KIAA2012: variants seen among roughly 807,000 people sequenced by gnomAD.
KIAA2012 encodes the protein KIAA2012.
Under a neutral mutation model 150.6 loss-of-function variants are expected in KIAA2012, and 125 were observed. That is an observed-to-expected ratio of 0.83 (90% confidence interval 0.72 to 0.96). KIAA2012 has a LOEUF of 0.96. Ranked by LOEUF, KIAA2012 falls within the 40% of genes least tolerant of loss-of-function variation. The pLI is 0.00. For synonymous variants in KIAA2012, 462 were observed against 504.7 expected (o/e 0.92, Z 1.13); for missense variants, 1,219 against 1,354.9 (o/e 0.90, Z 1.57).
rs568023345 is a variant in KIAA2012, at chr2:202,160,564, T to C, written c.2047-4720T>C. On this transcript the variant is annotated intron_variant, in intron 14 of 23. Transcript: ENST00000498697. ...TCCTGACCTCGTGATCCGCCCACCT[T>C]GGCCTCCCAAAGTGCTGGGATTACA... Among the ~76,000 whole-genome samples the C allele has an allele frequency of 6.6e-5, 10 of 152,142 alleles. No individual in the cohort carries two copies. In the East Asian group the frequency reaches 1.7e-3, roughly 27 times the overall value.
chr2:202,185,631 T>A (rs1692212839), intron 16 of KIAA2012, among the ~76,000 whole-genome samples: 1 of 152,098 alleles, frequency 6.6e-6, no homozygotes, highest in African/African-American at 2.4e-5. Flanking sequence ...AACACAAAAA[T>A]TTTTTTAAAT....
rs71025287 is a variant in KIAA2012, at chr2:202,199,920, A to ATTTTTTTTT, written c.3408-2488_3408-2480dup. ...TGCATCTTCCTCCTTGCCCCTCATAATTTTTTTTTTTTTTTTTTTTTTTTT... is the reference window on the plus strand; with the variant it reads ...TGCATCTTCCTCCTTGCCCCTCATAATTTTTTTTTTTTTTTTTTTTTTTTTTTTTTTTTT... On this transcript the variant is annotated intron_variant, in intron 22 of 23. Coordinates refer to ENST00000498697, the MANE Select transcript of KIAA2012 (RefSeq NM_001277372.4). Among the ~76,000 whole-genome samples, 13 of 76,270 alleles carry ATTTTTTTTT rather than the reference A, an allele frequency of 1.7e-4. 1 individual carries two copies. Among genetic ancestry groups the ATTTTTTTTT allele is most frequent in the African/African-American group, 4.3e-4 (8 of 18,478 alleles). 50.0% of individuals were successfully genotyped at this position (76,270 alleles called of 152,430 possible).
intron 13 of KIAA2012, among the ~76,000 whole-genome samples, chr2:202,138,833 G>A (rs1268971781): frequency 2.0e-5 from 3 of 152,160 alleles, no homozygotes; most frequent in African/African-American, 4.8e-5. Flanking sequence ...GTTTTCATTC[G>A]TAAAATTAGT....
chr2:202,130,938 A>T (rs1279161103), intron 12 of KIAA2012, among the ~76,000 whole-genome samples: 1 of 152,098 alleles, frequency 6.6e-6, no homozygotes, highest in East Asian at 1.9e-4. Flanking sequence ...ATAAATAAAT[A>T]AAATAAAAAA....
intron 2 of KIAA2012, among the ~76,000 whole-genome samples, chr2:202,080,587 T>A (rs183702936): frequency 3.3e-4 from 50 of 151,122 alleles, no homozygotes; most frequent in African/African-American, 1.2e-3. Context: ...TCCCTGCTAC[T>A]CGGGAGGCTA....
chr2:202,182,277 AATTTT>A (rs1304144088), intron 15 of KIAA2012, among the ~76,000 whole-genome samples: 1 of 151,516 alleles, frequency 6.6e-6, no homozygotes, highest in East Asian at 1.9e-4. Context: ...ACGCCCAGCT[AATTTT>A]GTATTTTTAC....
intron 13 of KIAA2012, among the ~76,000 whole-genome samples, chr2:202,153,497 A>G (rs1574294734): frequency 1.3e-5 from 2 of 152,228 alleles, no homozygotes; most frequent in East Asian, 3.9e-4. Flanking sequence ...CACTTCATGC[A>G]GATAGACCTT....
intron 4 of KIAA2012, among the ~76,000 whole-genome samples, chr2:202,094,092 G>A (rs1689801963): frequency 6.6e-6 from 1 of 152,158 alleles, no homozygotes; most frequent in Non-Finnish European, 1.5e-5. Flanking sequence ...GACCAGCCTG[G>A]GCAACATAGT....
chr2:202,166,373 C>A (rs1463196734), intron 15 of KIAA2012, among the ~76,000 whole-genome samples: 5 of 152,124 alleles, frequency 3.3e-5, no homozygotes, highest in African/African-American at 1.2e-4. Flanking sequence ...CAATTTTCAG[C>A]CAGACACAGT....
At chr2:202,099,879 C>T in intron 6 of KIAA2012, 83 bp downstream of exon 6, 4 of 1,194,546 alleles carry the variant, frequency 3.3e-6, no homozygotes, top group Non-Finnish European at 4.6e-6. Flanking sequence ...GCATGCCAAA[C>T]ATCACTTCCT....
chr2:202,103,631 A>G (rs1690108407), intron 8 of KIAA2012, among the ~76,000 whole-genome samples: 1 of 152,240 alleles, frequency 6.6e-6, no homozygotes, highest in Admixed American at 6.5e-5. Flanking sequence ...TCCATTTTAT[A>G]AAAGAAAGAT....
chr2:202,173,699 C>T (rs1559228430), intron 15 of KIAA2012, among the ~76,000 whole-genome samples: 3 of 152,156 alleles, frequency 2.0e-5, no homozygotes, highest in Admixed American at 1.3e-4. Context: ...ACAATACACA[C>T]AACTGAATTT....
Position 202,190,254 on chromosome 2 carries a change from A to T in KIAA2012, c.2572A>T (p.Asn858Tyr). 6.5e-7 allele frequency: 1 copy of T among 1,549,932 alleles called. No individual in the cohort carries two copies. The highest frequency in any genetic ancestry group is 2.0e-5 in the Admixed American group (1 of 50,842). Residue 858 changes from asparagine (N) to tyrosine (Y), a missense_variant, in exon 19 of 24, where the codon AAT (asparagine) becomes TAT (tyrosine). By Grantham distance (143) the Asn-to-Tyr change is moderately radical. Coordinates refer to ENST00000498697, the MANE Select transcript of KIAA2012 (RefSeq NM_001277372.4). ...PQRKRTQKER[N>Y]LEIAAELSGP... ...AAGGAAAAGGACACAGAAGGAAAGA[A>T]ATCTGGAGATAGCGGCAGAGCTGAG...
chr2:202,105,164 A>C (rs1362874983), intron 8 of KIAA2012, among the ~76,000 whole-genome samples: 2 of 151,950 alleles, frequency 1.3e-5, no homozygotes, highest in Non-Finnish European at 2.9e-5. Context: ...GAAGGGAGAC[A>C]CAGAAGGAAA....
At chr2:202,179,440 G>GA (rs1328971697) in intron 15 of KIAA2012, 4 of 718,438 alleles carry the variant, frequency 5.6e-6, no homozygotes, top group South Asian at 1.4e-5. Flanking sequence ...TAGCAACCGA[G>GA]AAAAAACAGA....
chr2:202,075,425 TTA>T (rs1254567779), intron 2 of KIAA2012, among the ~76,000 whole-genome samples: 1 of 152,176 alleles, frequency 6.6e-6, no homozygotes, highest in Non-Finnish European at 1.5e-5. Context: ...TATCATCATT[TTA>T]TGTTTTCCTT....
intron 14 of KIAA2012, among the ~76,000 whole-genome samples, chr2:202,158,894 T>C (rs1025027718): frequency 6.6e-6 from 1 of 152,184 alleles, no homozygotes; most frequent in Non-Finnish European, 1.5e-5. Flanking sequence ...ATACTCCACA[T>C]TGATATCAAA....
intron 13 of KIAA2012, among the ~76,000 whole-genome samples, chr2:202,148,326 G>A (rs905410557): frequency 1.3e-5 from 2 of 152,152 alleles, no homozygotes; most frequent in Non-Finnish European, 2.9e-5. Flanking sequence ...CGGCTAATTT[G>A]CTAAACACTC....
intron 16 of KIAA2012, among the ~76,000 whole-genome samples, chr2:202,185,636 T>C (rs1692212973): frequency 6.6e-6 from 1 of 152,130 alleles, no homozygotes; most frequent in African/African-American, 2.4e-5. Context: ...AAAAATTTTT[T>C]TAAATCAGGA....
Sources: allele counts gnomAD v4.1 joint callset (sites outside exome capture counted in the v4.1 genomes callset), GRCh38; gene constraint gnomAD v4.1.1; transcripts MANE v1.5; gene names NCBI Gene and HGNC (gene_info 2026-07-23, HGNC 2026-07-21).